HTR1F: variants seen among roughly 807,000 people sequenced by gnomAD.
The protein encoded by HTR1F is 5-hydroxytryptamine (serotonin) receptor 1F, G protein-coupled.
Under a neutral mutation model 24.0 loss-of-function variants are expected in HTR1F, and 17 were observed. The ratio of observed to expected loss-of-function variants is 0.71; its 90% confidence interval spans 0.48 to 1.06. HTR1F has a LOEUF of 1.06. HTR1F is among the 50% of genes least tolerant of loss of function. The pLI is 0.00. For missense variants in HTR1F, 391 were observed against 427.8 expected (o/e 0.91, Z 0.76); for synonymous variants, 186 against 156.8 (o/e 1.19, Z -1.39).
rs1576032809 is a variant in HTR1F at position 87,921,512 on chromosome 3, G to A, written c.-42-69196G>A. Among the ~76,000 whole-genome samples, 4 of 151,978 alleles carry A rather than the reference G, an allele frequency of 2.6e-5. No homozygotes were observed. In the East Asian group the frequency reaches 7.7e-4, roughly 29 times the overall value. ...AGGTATATCCATACACATATACAAT[G>A]TGTAATGATCAAATCAAGGTAATTA... is the stretch of plus-strand genomic sequence containing the variant. On this transcript the variant is annotated intron_variant, in intron 2 of 2. Transcript: ENST00000319595.
chr3:87,900,110 A>ATT (rs1706288435), intron 2 of HTR1F, among the ~76,000 whole-genome samples: 1 of 152,186 alleles, frequency 6.6e-6, no homozygotes, highest in Non-Finnish European at 1.5e-5. Context: ...AATTAAGTTC[A>ATT]TTTTATAGTA....
At chr3:87,886,369 C>A (rs930336749) in intron 2 of HTR1F, among the ~76,000 whole-genome samples, 2 of 152,074 alleles carry the variant, frequency 1.3e-5, no homozygotes, top group African/African-American at 4.8e-5. Context: ...TTATGACAAA[C>A]CCACAGCCAG....
chr3:87,856,992 G>A (rs1318952098), intron 2 of HTR1F, among the ~76,000 whole-genome samples: 8 of 152,052 alleles, frequency 5.3e-5, no homozygotes, highest in Admixed American at 2.0e-4. Context: ...TACAGCTTAT[G>A]TTATCCTGTT....
chr3:87,991,436 C>T lies in HTR1F; in HGVS notation c.687C>T (p.Val229=). ...CAAAGGAGGAGGTGAATGGCCAAGT[C>T]CTTTTGGAGAGTGGTGAGAAAAGCA... ...RIAKEEVNGQ[V]LLESGEKSTK... Residue 229 remains valine (V), a synonymous_variant, in exon 3 of 3, where the codon GTC becomes GTT. Transcript: ENST00000319595. The T allele has an allele frequency of 6.2e-7, 1 of 1,613,938 alleles. No individual in the cohort carries two copies. The highest frequency in any genetic ancestry group is 8.5e-7 in the Non-Finnish European group (1 of 1,179,924).
chr3:87,981,160 A>G (rs1031173918), intron 2 of HTR1F, among the ~76,000 whole-genome samples: 5 of 152,132 alleles, frequency 3.3e-5, no homozygotes, highest in Non-Finnish European at 7.4e-5. Context: ...TACCATCACT[A>G]GCACTTACGG....
intron 2 of HTR1F, among the ~76,000 whole-genome samples, chr3:87,915,043 C>G (rs1039020312): frequency 2.0e-5 from 3 of 152,136 alleles, no homozygotes; most frequent in African/African-American, 7.2e-5. Flanking sequence ...ACGACCAACC[C>G]CCAGTACCAG....
chr3:87,858,399 G>T (rs561389034), intron 2 of HTR1F, among the ~76,000 whole-genome samples: 1 of 152,158 alleles, frequency 6.6e-6, no homozygotes, highest in African/African-American at 2.4e-5. Context: ...ACATTGTTTT[G>T]CCCGAGAAGA....
chr3:87,925,094 G>A (rs59813476), intron 2 of HTR1F, among the ~76,000 whole-genome samples: 4,855 of 151,146 alleles, frequency 0.032, 235 homozygotes, highest in African/African-American at 0.11. Context: ...TTCTTCAGCT[G>A]TAATCAACAT....
At chr3:87,968,961 G>C (rs573407321) in intron 2 of HTR1F, among the ~76,000 whole-genome samples, 16 of 152,206 alleles carry the variant, frequency 1.1e-4, no homozygotes, top group Non-Finnish European at 1.9e-4. Flanking sequence ...GTACAGCTTG[G>C]GCCATGGATT....
At chr3:87,858,918 G>T (rs1264958457) in intron 2 of HTR1F, among the ~76,000 whole-genome samples, 2 of 152,106 alleles carry the variant, frequency 1.3e-5, no homozygotes, top group African/African-American at 4.8e-5. Context: ...ATTTTGGGCT[G>T]GATGTGTTGG....
chr3:87,902,317 A>G (rs1269494449), intron 2 of HTR1F, among the ~76,000 whole-genome samples: 2 of 152,092 alleles, frequency 1.3e-5, no homozygotes, highest in African/African-American at 4.8e-5. Flanking sequence ...GCAAAGGGGG[A>G]AGTTATTCTT....
intron 1 of HTR1F, among the ~76,000 whole-genome samples, chr3:87,794,565 T>G (rs1703872157): frequency 6.6e-6 from 1 of 152,226 alleles, no homozygotes; most frequent in African/African-American, 2.4e-5. Flanking sequence ...TTCAGTATAT[T>G]TTTCCACACG....
intron 2 of HTR1F, among the ~76,000 whole-genome samples, chr3:87,914,945 C>T (rs1703860438): frequency 6.6e-6 from 1 of 152,058 alleles, no homozygotes; most frequent in Non-Finnish European, 1.5e-5. Context: ...GTCTATTTCA[C>T]CCCCCTACCA....
chr3:87,872,222 C>T (rs1575970388), intron 2 of HTR1F, among the ~76,000 whole-genome samples: 1 of 152,040 alleles, frequency 6.6e-6, no homozygotes, highest in East Asian at 1.9e-4. Context: ...AAATGGAGAA[C>T]TCAACATGCC....
chr3:87,917,622 A>G (rs1263538099), intron 2 of HTR1F, among the ~76,000 whole-genome samples: 2 of 152,050 alleles, frequency 1.3e-5, no homozygotes, highest in African/African-American at 4.8e-5. Context: ...GAATAGATGA[A>G]TAAATTCTTG....
rs557122929 is a variant in HTR1F at position 87,798,144 on chromosome 3, A to G, written c.-160+5302A>G. On this transcript the variant is annotated intron_variant, in intron 1 of 2. Transcript: ENST00000319595. ...TCACTCTCATCAAATCTTTCTTACCATTGGTTGCCACTCCCTCCAGTTTCC... is the reference window on the plus strand; with the variant it reads ...TCACTCTCATCAAATCTTTCTTACCGTTGGTTGCCACTCCCTCCAGTTTCC... Among the ~76,000 whole-genome samples the G allele has an allele frequency of 3.3e-5, 5 of 152,082 alleles. No homozygotes were observed. In the South Asian group the frequency reaches 6.2e-4, roughly 19 times the overall value.
chr3:87,805,193 G>T (rs1255732527), intron 1 of HTR1F, among the ~76,000 whole-genome samples: 1 of 151,318 alleles, frequency 6.6e-6, no homozygotes, highest in Admixed American at 6.6e-5. Flanking sequence ...TTAACAACTT[G>T]TAGAGCAAGG....
intron 1 of HTR1F, among the ~76,000 whole-genome samples, chr3:87,815,155 C>A (rs1704226906): frequency 6.6e-6 from 1 of 152,034 alleles, no homozygotes. Context: ...AATGATGTGT[C>A]ATGGGAATTC....
chr3:87,804,425 T>C (rs1704042653), intron 1 of HTR1F, among the ~76,000 whole-genome samples: 2 of 152,080 alleles, frequency 1.3e-5, no homozygotes, highest in African/African-American at 4.8e-5. Context: ...AAAAAAATTC[T>C]CTAAAATTGT....
Sources: gnomAD v4.1 joint callset for allele counts (sites outside exome capture counted in the v4.1 genomes callset) on GRCh38, gnomAD v4.1.1 for gene constraint, MANE v1.5 for transcripts, NCBI Gene and HGNC (gene_info 2026-07-23, HGNC 2026-07-21) for gene names.